HYDIN: variants seen among roughly 807,000 people sequenced by gnomAD.
HYDIN encodes axonemal central pair apparatus protein HYDIN.
A neutral mutation model predicts 403.9 loss-of-function variants in HYDIN; 132 were observed. That is an observed-to-expected ratio of 0.33 (90% CI 0.28 to 0.38). HYDIN has a LOEUF of 0.38. Among genes scored for constraint, HYDIN ranks in the 10% least tolerant of loss-of-function variants. The pLI, the probability that HYDIN is intolerant of heterozygous loss-of-function variation, is 1.00. For missense variants in HYDIN, 2,827 were observed against 5,009.5 expected, an observed-to-expected ratio of 0.56 and a Z score of 13.15; for synonymous variants, 1,202 against 1,891.7, an observed-to-expected ratio of 0.64 and a Z score of 9.46.
intron 77 of HYDIN, among the ~76,000 whole-genome samples, chr16:70,836,646 A>G (rs186852024): frequency 6.6e-6 from 1 of 152,372 alleles, no homozygotes; most frequent in East Asian, 1.9e-4. Flanking sequence ...ACCCACAATG[A>G]GCAGCACCCA....
At chr16:70,900,274 G>A (rs2076330051) in intron 53 of HYDIN, among the ~76,000 whole-genome samples, 1 of 150,884 alleles carries the variant, frequency 6.6e-6, no homozygotes, top group South Asian at 2.1e-4. Flanking sequence ...TCAGGAGTTT[G>A]AGGCCAGCCT....
chr16:70,956,422 A>T (rs2143935614), intron 39 of HYDIN, among the ~76,000 whole-genome samples: 2 of 152,372 alleles, frequency 1.3e-5, no homozygotes, highest in South Asian at 4.1e-4. Flanking sequence ...TAGGCTGAAT[A>T]ATGGCTCCTC....
At chr16:71,102,459 C>A (rs966589587) in intron 10 of HYDIN, among the ~76,000 whole-genome samples, 3 of 151,974 alleles carry the variant, frequency 2.0e-5, no homozygotes, top group African/African-American at 7.2e-5. Flanking sequence ...CCCCAAAGCT[C>A]ATTATCAGAA....
intron 8 of HYDIN, among the ~76,000 whole-genome samples, chr16:71,130,260 G>T (rs1268666833): frequency 6.6e-6 from 1 of 151,998 alleles, no homozygotes; most frequent in African/African-American, 2.4e-5. Context: ...CATAGAACCT[G>T]GGGCCGGCAG....
At chr16:71,105,389 C>A (rs1335392377) in intron 10 of HYDIN, among the ~76,000 whole-genome samples, 1 of 148,876 alleles carries the variant, frequency 6.7e-6, no homozygotes, top group Non-Finnish European at 1.5e-5. Flanking sequence ...GCTGAGTAAC[C>A]AATATGTAGC....
At chr16:71,092,304 C>T (rs2083132414) in intron 11 of HYDIN, among the ~76,000 whole-genome samples, 1 of 152,122 alleles carries the variant, frequency 6.6e-6, no homozygotes, top group African/African-American at 2.4e-5. Context: ...ATCTTGTAGA[C>T]CACGTGGTAG....
intron 1 of HYDIN, among the ~76,000 whole-genome samples, chr16:71,199,080 T>A (rs2087852085): frequency 6.6e-6 from 1 of 152,350 alleles, no homozygotes; most frequent in Non-Finnish European, 1.5e-5. Context: ...TGATTACTAA[T>A]GAGACGGCGT....
intron 18 of HYDIN, among the ~76,000 whole-genome samples, chr16:71,038,189 G>A (rs914258955): frequency 6.6e-6 from 1 of 152,294 alleles, no homozygotes; most frequent in African/African-American, 2.4e-5. Context: ...TTGTAATTCA[G>A]AATTCCGTGA....
At chr16:70,938,911 T>C (rs1447046031) in intron 43 of HYDIN, among the ~76,000 whole-genome samples, 156 bp from the exon 44 acceptor site, 1 of 152,032 alleles carries the variant, frequency 6.6e-6, no homozygotes, top group Non-Finnish European at 1.5e-5. Context: ...CCTTCATCCA[T>C]GCACTTCCAC....
intron 6 of HYDIN, among the ~76,000 whole-genome samples, chr16:71,156,680 G>C (rs1302579513): frequency 6.6e-6 from 1 of 151,730 alleles, no homozygotes; most frequent in Non-Finnish European, 1.5e-5. Context: ...CAATATTTTA[G>C]CAGAAGACTA....
intron 52 of HYDIN, among the ~76,000 whole-genome samples, chr16:70,901,521 T>C (rs2076377456): frequency 6.6e-6 from 1 of 151,522 alleles, no homozygotes; most frequent in African/African-American, 2.4e-5. Flanking sequence ...GGGTATTTGG[T>C]TTTCCGTTCC....
intron 19 of HYDIN, among the ~76,000 whole-genome samples, chr16:71,030,554 T>G (rs2080870339): frequency 6.6e-6 from 1 of 151,492 alleles, no homozygotes; most frequent in Admixed American, 6.6e-5. Flanking sequence ...CACCTCAGCC[T>G]CCTGAGTAGC....
chr16:70,991,917 T>C (rs2079365586), intron 24 of HYDIN, 153 bp downstream of exon 24: 2 of 1,330,366 alleles, frequency 1.5e-6, no homozygotes, highest in Non-Finnish European at 2.0e-6. Flanking sequence ...CTATCCCAGA[T>C]GTCTAGTCTG....
chr16:70,902,817 ATATATT>A (rs1264380657), intron 52 of HYDIN, among the ~76,000 whole-genome samples: 4 of 15,650 alleles, frequency 2.6e-4, no homozygotes, highest in African/African-American at 5.6e-4. Flanking sequence ...ATATATATAT[ATATATT>A]TTTTTTTTTT....
At chr16:70,810,441 A>G (rs1008205940) in intron 84 of HYDIN, among the ~76,000 whole-genome samples, 2 of 152,228 alleles carry the variant, frequency 1.3e-5, no homozygotes, top group Non-Finnish European at 2.9e-5. Context: ...ATAGCAAAAC[A>G]AGGGAAACAA....
chr16:71,028,969 A>G (rs1436969899), intron 19 of HYDIN, among the ~76,000 whole-genome samples: 3 of 149,754 alleles, frequency 2.0e-5, no homozygotes, highest in Non-Finnish European at 4.5e-5. Context: ...TATTCACAGT[A>G]TATCTTTCAA....
chr16:71,203,040 G>C (rs1026109613), intron 1 of HYDIN, among the ~76,000 whole-genome samples: 2 of 152,156 alleles, frequency 1.3e-5, no homozygotes, highest in African/African-American at 4.8e-5. Flanking sequence ...CTTTGGGCTT[G>C]CTGGGCCAAA....
At chr16:71,027,552 G>C in intron 20 of HYDIN, 50 bp downstream of exon 20, 1 of 1,611,546 alleles carries the variant, frequency 6.2e-7, no homozygotes, top group Non-Finnish European at 8.5e-7. Context: ...AGATACAGTA[G>C]AGATTTATTT....
Position 70,921,028 on chromosome 16 carries a change from C to T in HYDIN, c.7348G>A (p.Asp2450Asn), listed in dbSNP as rs372486572. The T allele has an allele frequency of 3.0e-5, 48 of 1,606,384 alleles. No homozygotes were observed. Among genetic ancestry groups the T allele is most frequent in the Non-Finnish European group, 3.4e-5 (40 of 1,176,214 alleles). ...DSEGDNSKDP[D>N]KQLAPKFKTY... Reference sequence around the variant, plus strand: ...TTAAACTTCGGGGCCAGTTGCTTGTCGGGGTCCTTTGAGTTGTCCCCTTCA... The same window carrying T: ...TTAAACTTCGGGGCCAGTTGCTTGTTGGGGTCCTTTGAGTTGTCCCCTTCA... Residue 2450 changes from aspartate to asparagine, a missense_variant, in exon 46 of 86, where the codon GAC (aspartate) becomes AAC (asparagine). Physicochemically the swap from Asp to Asn is conservative, Grantham distance 23. Transcript: ENST00000393567.
Sources: allele counts gnomAD v4.1 joint callset (sites outside exome capture counted in the v4.1 genomes callset), GRCh38; gene constraint gnomAD v4.1.1; transcripts MANE v1.5; gene names NCBI Gene and HGNC (gene_info 2026-07-23, HGNC 2026-07-21).